The following GPC6 variants were observed in gnomAD, a reference collection of about 807,000 sequenced individuals.
GPC6 encodes glypican 6.
GPC6 carries 14 observed loss-of-function variants against 55.2 expected under a neutral mutation model. The observed-to-expected ratio is 0.25, with a 90% CI of 0.17 to 0.40. The LOEUF is 0.40. Among genes scored for constraint, GPC6 ranks in the 10% least tolerant of loss-of-function variants. GPC6 has a pLI of 1.00. For missense variants in GPC6, 641 were observed against 708.5 expected, an observed-to-expected ratio of 0.90 and a Z score of 1.08; for synonymous variants, 278 against 259.6, an observed-to-expected ratio of 1.07 and a Z score of -0.68.
intron 7 of GPC6, among the ~76,000 whole-genome samples, chr13:94,395,987 G>T (rs1345983343): frequency 6.6e-6 from 1 of 152,188 alleles, no homozygotes; most frequent in Non-Finnish European, 1.5e-5. Flanking sequence ...GTCAAGAGGC[G>T]GGACTAAAGG....
In GPC6 at chr13:94,092,814, C is replaced by T. The variant is rs539167185; in HGVS notation, c.877+64920C>T. Among the ~76,000 whole-genome samples, 6 of 152,236 alleles carry T rather than the reference C, an allele frequency of 3.9e-5. No homozygotes were observed. The South Asian group carries it at 1.0e-3, about 26-fold the overall frequency. On this transcript the variant is annotated intron_variant, in intron 4 of 8. Transcript: ENST00000377047. ...TCATCTTTTGTCTTTCTGATAATAG[C>T]CATTCTGGCAGGTATGAGGTGATAT...
intron 1 of GPC6, among the ~76,000 whole-genome samples, chr13:93,362,759 T>C (rs1029902294): frequency 1.3e-5 from 2 of 152,164 alleles, no homozygotes; most frequent in African/African-American, 4.8e-5. Context: ...TAACTTGCTT[T>C]ACTAATCTTC....
intron 1 of GPC6, among the ~76,000 whole-genome samples, chr13:93,242,372 G>A (rs1277624001): frequency 6.6e-6 from 1 of 152,172 alleles, no homozygotes; most frequent in African/African-American, 2.4e-5. Context: ...GATTAGACAA[G>A]CATCTTTCCA....
chr13:93,277,479 T>C (rs577057240), intron 1 of GPC6, among the ~76,000 whole-genome samples: 1 of 152,284 alleles, frequency 6.6e-6, no homozygotes, highest in South Asian at 2.1e-4. Context: ...CATTAAAAGC[T>C]TATAATAAAT....
In GPC6 at chr13:94,346,719, C is replaced by CAAA. The variant is rs35478457; in HGVS notation, c.1153-35678_1153-35676dup. On this transcript the variant is annotated intron_variant, in intron 6 of 8. Coordinates refer to ENST00000377047, the MANE Select transcript of GPC6 (RefSeq NM_005708.5). ...CCGGGCAACAGAGCAAGACTCCTCTCAAAAAAAAAAAAAAAAAAATTCACT... is the reference window on the plus strand; with the variant it reads ...CCGGGCAACAGAGCAAGACTCCTCTCAAAAAAAAAAAAAAAAAAAAAATTCACT... Among the ~76,000 whole-genome samples the CAAA allele has an allele frequency of 2.9e-3, 330 of 114,102 alleles. 3 individuals carry two copies. The highest frequency in any genetic ancestry group is 0.01 in the African/African-American group (311 of 30,124). The allele number at this position is 114,102 out of a possible 152,430, so 74.9% of individuals were successfully genotyped here.
chr13:93,889,553 C>G (rs1875543867), intron 3 of GPC6, among the ~76,000 whole-genome samples: 1 of 152,058 alleles, frequency 6.6e-6, no homozygotes, highest in Non-Finnish European at 1.5e-5. Context: ...GGGTTTTCCC[C>G]CATTTATAGC....
At chr13:93,220,621 G>A in the GPC6 span, among the ~76,000 whole-genome samples, 1 of 152,086 alleles carries the variant, frequency 6.6e-6, no homozygotes, top group Non-Finnish European at 1.5e-5. Flanking sequence ...AATATTGTGA[G>A]CCTTCAAGTC....
chr13:93,789,626 T>C (rs1336565396), intron 2 of GPC6, among the ~76,000 whole-genome samples: 4 of 82,240 alleles, frequency 4.9e-5, no homozygotes, highest in Admixed American at 4.4e-4. Flanking sequence ...TATATATATA[T>C]ATATATATAT....
chr13:94,231,990 C>G lies in GPC6; in HGVS notation c.878-54359C>G, dbSNP rs538237447. On this transcript the variant is annotated intron_variant, in intron 4 of 8. Transcript: ENST00000377047. ...GCAACTCTATTTATCTATTGTAAAC[C>G]AACAAGAGCCGACCATGTTGAGAGA... 7.2e-5 allele frequency among the ~76,000 whole-genome samples: 11 copies of G among 152,118 alleles called. No homozygotes were observed. In the South Asian group the frequency reaches 2.3e-3, roughly 32 times the overall value.
intron 4 of GPC6, among the ~76,000 whole-genome samples, chr13:94,140,645 G>A (rs1467865764): frequency 6.6e-6 from 1 of 152,064 alleles, no homozygotes; most frequent in Non-Finnish European, 1.5e-5. Context: ...AGACCCGAAG[G>A]CACTGTCTTC....
intron 2 of GPC6, among the ~76,000 whole-genome samples, chr13:93,581,661 G>T (rs925314978): frequency 6.6e-6 from 1 of 152,140 alleles, no homozygotes; most frequent in East Asian, 1.9e-4. Context: ...CGAAGATTGC[G>T]CTGCTGCACT....
intron 2 of GPC6, among the ~76,000 whole-genome samples, chr13:93,695,273 A>C (rs2138786381): frequency 6.6e-6 from 1 of 152,204 alleles, no homozygotes; most frequent in African/African-American, 2.4e-5. Flanking sequence ...TGATTTACTT[A>C]CTTTTTAAAA....
At chr13:93,274,284 T>C (rs535926750) in intron 1 of GPC6, among the ~76,000 whole-genome samples, 1 of 152,292 alleles carries the variant, frequency 6.6e-6, no homozygotes, top group East Asian at 1.9e-4. Context: ...TTCATTTTGG[T>C]GAGCAATGCC....
At position 94,407,102 on chromosome 13, in the gene GPC6, T is replaced by C. The variant is rs957142629; in HGVS notation, c.*3885T>C. 2.0e-5 allele frequency: 3 copies of C among 152,142 alleles called. No homozygotes were observed. Among genetic ancestry groups the C allele is most frequent in the African/African-American group, 4.8e-5 (2 of 41,438 alleles). 9.4% of individuals were successfully genotyped at this position (152,142 alleles called of 1,614,324 possible). A position where few individuals can be genotyped will look rare whatever the true frequency, so the allele number is the denominator to read the frequency against. ...AGACTTGCTATATCATGGTTTGCTA[T>C]GGCACAGACTCAGCTTAGCATGGGG... On this transcript the variant is annotated 3_prime_UTR_variant, in exon 9 of 9. Transcript: ENST00000377047.
intron 1 of GPC6, among the ~76,000 whole-genome samples, chr13:93,536,828 T>C (rs1211932069): frequency 1.3e-5 from 2 of 152,240 alleles, no homozygotes; most frequent in African/African-American, 2.4e-5. Context: ...TTTGAAGTAC[T>C]GTAAATGGTA....
chr13:93,246,158 C>T (rs1366099177), intron 1 of GPC6, among the ~76,000 whole-genome samples: 3 of 152,148 alleles, frequency 2.0e-5, no homozygotes, highest in East Asian at 1.9e-4. Flanking sequence ...TTTCCCCTGA[C>T]TTTTAGACTG....
chr13:94,199,451 A>G (rs938289151), intron 4 of GPC6, among the ~76,000 whole-genome samples: 1 of 152,114 alleles, frequency 6.6e-6, no homozygotes, highest in Non-Finnish European at 1.5e-5. Context: ...TAGTCACACA[A>G]TTCCTATGAG....
chr13:93,834,032 C>T (rs577103470), intron 3 of GPC6, among the ~76,000 whole-genome samples: 5 of 152,256 alleles, frequency 3.3e-5, no homozygotes, highest in African/African-American at 1.2e-4. Context: ...TATCAGGAAC[C>T]TCCATGCATT....
At chr13:94,122,993 G>T (rs1172119378) in intron 4 of GPC6, among the ~76,000 whole-genome samples, 1 of 152,028 alleles carries the variant, frequency 6.6e-6, no homozygotes, top group African/African-American at 2.4e-5. Context: ...TGTTGCCTTT[G>T]AATAATGTAT....
Sources: allele counts gnomAD v4.1 joint callset (sites outside exome capture counted in the v4.1 genomes callset), GRCh38; gene constraint gnomAD v4.1.1; transcripts MANE v1.5; gene names NCBI Gene and HGNC (gene_info 2026-07-23, HGNC 2026-07-21).